Variants in SBF2 observed in about 807,000 individuals in gnomAD.
SBF2 encodes the protein SET binding factor 2.
A neutral mutation model predicts 225.2 loss-of-function variants in SBF2; 112 were observed. The ratio of observed to expected loss-of-function variants is 0.50; its 90% confidence interval spans 0.43 to 0.58. The LOEUF (loss-of-function observed/expected upper bound fraction) is 0.58. Among genes scored for constraint, SBF2 ranks in the 20% least tolerant of loss-of-function variants. The pLI, the probability that SBF2 is intolerant of heterozygous loss-of-function variation, is 0.00. For missense variants in SBF2, 1,996 were observed against 2,206.2 expected, an observed-to-expected ratio of 0.90 and a Z score of 1.91; for synonymous variants, 763 against 773.3, an observed-to-expected ratio of 0.99 and a Z score of 0.22.
chr11:9,885,143 C>G (rs918315364), intron 17 of SBF2, among the ~76,000 whole-genome samples: 7 of 149,322 alleles, frequency 4.7e-5, no homozygotes, highest in African/African-American at 1.7e-4. Flanking sequence ...CCCAGCTACT[C>G]AGGAAGCTGA....
chr11:9,787,528 T>C (rs1455655251), intron 36 of SBF2, 106 bp downstream of exon 36: 5 of 902,222 alleles, frequency 5.5e-6, no homozygotes, highest in Non-Finnish European at 9.1e-6. Context: ...CCCTTCCTTC[T>C]GGCCATAAAC....
intron 1 of SBF2, among the ~76,000 whole-genome samples, chr11:10,279,585 T>G (rs1000694232): frequency 6.6e-6 from 1 of 152,172 alleles, no homozygotes; most frequent in Non-Finnish European, 1.5e-5. Flanking sequence ...AGATTTCCAG[T>G]TCTATTATAT....
Position 9,790,602 on chromosome 11 carries a change from C to T in SBF2, c.4652G>A (p.Arg1551Lys). Residue 1551 changes from arginine to lysine, a missense_variant, in exon 34 of 40, where the codon AGG becomes AAG. By Grantham distance (26) the Arg-to-Lys change is conservative. Transcript: ENST00000256190. The stretch of plus-strand genomic sequence containing the variant: ...TAAATAATTAAAGAAAATGGGACTC[C>T]TCTTGTGCATTCTGTCAATACATTC... ...IWECIDRMHK[R>K]SPIFFNYLYS... 1 of 1,588,988 alleles carries T rather than the reference C, an allele frequency of 6.3e-7. No individual in the cohort carries two copies. Among genetic ancestry groups the T allele is most frequent in the Non-Finnish European group, 8.6e-7 (1 of 1,158,260 alleles).
chr11:10,227,664 C>A (rs931690447), intron 1 of SBF2, among the ~76,000 whole-genome samples: 1 of 152,178 alleles, frequency 6.6e-6, no homozygotes, highest in Non-Finnish European at 1.5e-5. Flanking sequence ...GGGCTCTGTT[C>A]TGTTCCATTG....
intron 1 of SBF2, among the ~76,000 whole-genome samples, chr11:10,229,755 G>A (rs578031691): frequency 2.6e-5 from 4 of 152,160 alleles, no homozygotes; most frequent in Non-Finnish European, 4.4e-5. Flanking sequence ...TTTTGGAACA[G>A]GTGTGGTGTG....
intron 1 of SBF2, among the ~76,000 whole-genome samples, chr11:10,197,118 T>C (rs1957404414): frequency 6.6e-6 from 1 of 152,080 alleles, no homozygotes; most frequent in Non-Finnish European, 1.5e-5. Context: ...TGTCAGCAAA[T>C]GTCTGAGGCA....
chr11:10,125,066 C>CA (rs1192235484), intron 2 of SBF2, among the ~76,000 whole-genome samples: 3 of 144,802 alleles, frequency 2.1e-5, no homozygotes, highest in African/African-American at 7.7e-5. Context: ...CGAGATCTCG[C>CA]TACTGCACTC....
chr11:10,186,571 C>G (rs926762937), intron 2 of SBF2, among the ~76,000 whole-genome samples: 1 of 152,072 alleles, frequency 6.6e-6, no homozygotes, highest in Non-Finnish European at 1.5e-5. Context: ...GTTCATCAAC[C>G]CAAAAGCTCT....
chr11:10,225,314 TAA>T (rs556088795), intron 1 of SBF2, among the ~76,000 whole-genome samples: 1 of 149,616 alleles, frequency 6.7e-6, no homozygotes, highest in Non-Finnish European at 1.5e-5. Flanking sequence ...ACTTCTTCTT[TAA>T]AAAAAAAGAC....
At chr11:10,208,115 T>C (rs1292371376) in intron 1 of SBF2, among the ~76,000 whole-genome samples, 2 of 152,162 alleles carry the variant, frequency 1.3e-5, no homozygotes, top group Non-Finnish European at 2.9e-5. Context: ...TGTCACTAAC[T>C]GGTGACCTTA....
chr11:10,081,488 G>A (rs1382419275), intron 2 of SBF2, among the ~76,000 whole-genome samples: 1 of 152,146 alleles, frequency 6.6e-6, no homozygotes, highest in Non-Finnish European at 1.5e-5. Context: ...GCTGGGCACG[G>A]TAGCTCACAC....
At chr11:9,826,115 T>C (rs1247017704) in intron 28 of SBF2, among the ~76,000 whole-genome samples, 2 of 152,162 alleles carry the variant, frequency 1.3e-5, no homozygotes, top group African/African-American at 4.8e-5. Flanking sequence ...CCCCAAAACA[T>C]GAAATTTCCT....
intron 1 of SBF2, among the ~76,000 whole-genome samples, chr11:10,210,105 A>C (rs115013701): frequency 0.022 from 3,365 of 152,242 alleles, 100 homozygotes; most frequent in African/African-American, 0.067. Context: ...CAGGAGTTCC[A>C]GTTCAGCCCG....
chr11:10,203,047 G>C (rs1957623343), intron 1 of SBF2, among the ~76,000 whole-genome samples: 1 of 151,950 alleles, frequency 6.6e-6, no homozygotes, highest in South Asian at 2.1e-4. Flanking sequence ...GTTTAGCTGG[G>C]GTGGGGGGGT....
intron 2 of SBF2, among the ~76,000 whole-genome samples, chr11:10,046,121 C>T (rs1238080868): frequency 6.6e-6 from 1 of 151,952 alleles, no homozygotes; most frequent in Non-Finnish European, 1.5e-5. Context: ...ATGCACATAC[C>T]ACACCATTTA....
At position 10,277,748 on chromosome 11, in the gene SBF2, G is replaced by A. The variant is rs1963077183; in HGVS notation, c.55+16267C>T. Among the ~76,000 whole-genome samples, 2 of 152,156 alleles carry A rather than the reference G, an allele frequency of 1.3e-5. 1 individual carries two copies. The highest frequency in any genetic ancestry group is 4.8e-5 in the African/African-American group (2 of 41,434). On this transcript the variant is annotated intron_variant, in intron 1 of 39. Transcript: ENST00000256190. ...ACAGTAACAGAGAATGCGGCCATGT[G>A]ATGACAGAGAAAGAGATCAGAGTTA...
intron 1 of SBF2, among the ~76,000 whole-genome samples, chr11:10,282,633 C>T (rs1232390787): frequency 6.6e-6 from 1 of 152,148 alleles, no homozygotes; most frequent in East Asian, 1.9e-4. Flanking sequence ...TCATTCATTA[C>T]TAAATTTTAC....
intron 13 of SBF2, among the ~76,000 whole-genome samples, chr11:9,970,553 T>G (rs190422091): frequency 6.6e-6 from 1 of 152,262 alleles, no homozygotes; most frequent in Admixed American, 6.5e-5. Context: ...GGCCCAGACC[T>G]AGATAAAGAA....
intron 16 of SBF2, chr11:9,957,999 A>C (rs1866294419): frequency 6.6e-6 from 1 of 151,958 alleles, no homozygotes; most frequent in Admixed American, 6.6e-5. Context: ...CTTTTGTAGA[A>C]AGTTGGTTAT....
Sources: gnomAD v4.1 joint callset for allele counts (sites outside exome capture counted in the v4.1 genomes callset) on GRCh38, gnomAD v4.1.1 for gene constraint, MANE v1.5 for transcripts, NCBI Gene and HGNC (gene_info 2026-07-23, HGNC 2026-07-21) for gene names.